PDCD6IP: variants seen among roughly 807,000 people sequenced by gnomAD.
PDCD6IP encodes the protein programmed cell death 6-interacting protein.
Under a neutral mutation model 103.7 loss-of-function variants are expected in PDCD6IP, and 43 were observed. The ratio of observed to expected loss-of-function variants is 0.41; its 90% confidence interval spans 0.32 to 0.53. The LOEUF is 0.53. PDCD6IP is among the 20% of genes least tolerant of loss of function. The pLI, the probability that PDCD6IP is intolerant of heterozygous loss-of-function variation, is 0.16. For missense variants in PDCD6IP, 871 were observed against 1,036.7 expected (o/e 0.84, Z 2.20); for synonymous variants, 354 against 378.7 (o/e 0.93, Z 0.76).
At chr3:33,839,574 T>G (rs1238337454) in intron 9 of PDCD6IP, among the ~76,000 whole-genome samples, 1 of 152,224 alleles carries the variant, frequency 6.6e-6, no homozygotes, top group Non-Finnish European at 1.5e-5. Context: ...TGAACATTCA[T>G]GTATAAATCT....
chr3:33,805,220 G>C (rs1696567125), intron 1 of PDCD6IP, among the ~76,000 whole-genome samples: 1 of 151,884 alleles, frequency 6.6e-6, no homozygotes, highest in Admixed American at 6.6e-5. Context: ...GCCGGTCATG[G>C]TGGCGGGTGC....
chr3:33,835,512 T>C (rs1017768287), intron 7 of PDCD6IP, among the ~76,000 whole-genome samples: 2 of 151,794 alleles, frequency 1.3e-5, no homozygotes, highest in African/African-American at 4.8e-5. Flanking sequence ...AGATCAGGAG[T>C]TGGAGACTGG....
intron 3 of PDCD6IP, among the ~76,000 whole-genome samples, chr3:33,816,750 C>CTACA (rs768875955): frequency 4.1e-4 from 62 of 152,128 alleles, no homozygotes; most frequent in Non-Finnish European, 7.6e-4. Flanking sequence ...TTCAGGAAAT[C>CTACA]TACAGTAAAG....
intron 2 of PDCD6IP, 68 bp downstream of exon 2, chr3:33,812,194 C>G (rs1048199049): frequency 1.3e-6 from 2 of 1,545,006 alleles, no homozygotes; most frequent in African/African-American, 1.4e-5. Flanking sequence ...AATATCTTCA[C>G]TGTCTTTAGA....
At chr3:33,831,453 A>C (rs938240542) in intron 7 of PDCD6IP, among the ~76,000 whole-genome samples, 28 of 152,278 alleles carry the variant, frequency 1.8e-4, no homozygotes, top group African/African-American at 5.5e-4. Context: ...TATAACATCT[A>C]ACTTCAGTTT....
intron 7 of PDCD6IP, 28 bp from the exon 8 acceptor site, chr3:33,836,016 T>TA: frequency 8.3e-7 from 1 of 1,199,856 alleles, no homozygotes; most frequent in Non-Finnish European, 1.2e-6. Context: ...CTCTTTTTTT[T>TA]TTTTGTTGTT....
At chr3:33,858,836 G>A (rs951843136) in intron 15 of PDCD6IP, among the ~76,000 whole-genome samples, 43 of 151,924 alleles carry the variant, frequency 2.8e-4, no homozygotes, top group Non-Finnish European at 5.7e-4. Flanking sequence ...CAAAACAAAA[G>A]AAATAAACAT....
chr3:33,850,160 C>T (rs1312678984), intron 12 of PDCD6IP, among the ~76,000 whole-genome samples: 3 of 152,060 alleles, frequency 2.0e-5, no homozygotes, highest in Admixed American at 6.5e-5. Flanking sequence ...ACTATTATGC[C>T]CATTTTGCAG....
Position 33,798,803 on chromosome 3 carries a change from C to G in PDCD6IP, c.75C>G (p.Ile25Met). 2.5e-6 allele frequency: 4 copies of G among 1,570,682 alleles called. No individual in the cohort carries two copies. The highest frequency in any genetic ancestry group is 3.5e-6 in the Non-Finnish European group (4 of 1,158,304). Residue 25 changes from isoleucine to methionine, a missense_variant, in exon 1 of 18, where the codon ATC becomes ATG. Physicochemically the swap from Ile to Met is conservative, Grantham distance 10 (BLOSUM62 1). Coordinates refer to ENST00000307296, the MANE Select transcript of PDCD6IP (RefSeq NM_013374.6). Reference sequence around the variant, plus strand: ...TGGCCAAGCCGCTGGTGAAGTTCATCCAGCAGACTTACCCAAGCGGCGGGG... The same window carrying G: ...TGGCCAAGCCGCTGGTGAAGTTCATGCAGCAGACTTACCCAAGCGGCGGGG... ...VDLAKPLVKFIQQTYPSGGEE... is the reference protein window; with the variant it reads ...VDLAKPLVKFMQQTYPSGGEE...
chr3:33,866,298 T>C, intron 17 of PDCD6IP, 53 bp from the exon 18 acceptor site: 1 of 1,096,596 alleles, frequency 9.1e-7, no homozygotes, highest in Admixed American at 2.8e-5. Flanking sequence ...ATTATTGTTT[T>C]ATTTTTTAGT....
rs374565692 is a variant in PDCD6IP, at chr3:33,824,999, G to A, written c.463-188G>A. 5.9e-5 allele frequency among the ~76,000 whole-genome samples: 9 copies of A among 152,058 alleles called. No homozygotes were observed. In the East Asian group the frequency reaches 1.7e-3, roughly 29 times the overall value. Reference sequence around the variant, plus strand: ...TAATCTTTGTTAAATCTCTTGTTACGCTATAGAGTTTTAGAAAGATAACCT... The same window carrying A: ...TAATCTTTGTTAAATCTCTTGTTACACTATAGAGTTTTAGAAAGATAACCT... On this transcript the variant is annotated intron_variant, in intron 4 of 17. Transcript: ENST00000307296.
At chr3:33,818,764 G>T in intron 3 of PDCD6IP, among the ~76,000 whole-genome samples, 1 of 151,396 alleles carries the variant, frequency 6.6e-6, no homozygotes, top group Non-Finnish European at 1.5e-5. Context: ...TGATCTGTCC[G>T]CCTCAGCCTC....
At chr3:33,848,027 T>A (rs1482640159) in intron 12 of PDCD6IP, among the ~76,000 whole-genome samples, 1 of 152,168 alleles carries the variant, frequency 6.6e-6, no homozygotes, top group East Asian at 1.9e-4. Flanking sequence ...ATAAAGAGAA[T>A]TGTTTAAAAC....
chr3:33,852,691 C>T lies in PDCD6IP; in HGVS notation c.1845C>T (p.Val615=), dbSNP rs200171621. 61 of 1,580,308 alleles carry T rather than the reference C, an allele frequency of 3.9e-5. No individual in the cohort carries two copies. Among genetic ancestry groups the T allele is most frequent in the Middle Eastern group, 1.7e-4 (1 of 5,882 alleles). Residue 615 remains valine (V), a synonymous_variant, in exon 13 of 18, where the codon GTC becomes GTT. Transcript: ENST00000307296. ...DRVYGGLTTK[V]QESLKKQEGL... is the part of the protein sequence containing the mutation. ...TCTATGGAGGTCTTACAACTAAAGT[C>T]CAAGAATCTCTAAAGAAACAGGAGG...
chr3:33,836,036 CT>C lies in PDCD6IP; in HGVS notation c.835-3del. The C allele has an allele frequency of 1.5e-6, 2 of 1,330,246 alleles. No individual in the cohort carries two copies. Among genetic ancestry groups the C allele is most frequent in the South Asian group, 1.6e-5 (1 of 63,948 alleles). 82.4% of individuals were successfully genotyped at this position (1,330,246 alleles called of 1,614,324 possible). A position where few individuals can be genotyped will look rare whatever the true frequency, so the allele number is the denominator to read the frequency against. On this transcript the variant is annotated splice_polypyrimidine_tract_variant and splice_region_variant and intron_variant, in intron 7 of 17. Transcript: ENST00000307296. ...TTTTTTTTTTGTTGTTGACGTTTTT[CT>C]TTTTAGCATGCAGCAGAACTGATTA...
Position 33,845,503 on chromosome 3 carries a change from C to G in PDCD6IP, c.1556C>G (p.Thr519Ser). 2 of 1,613,766 alleles carry G rather than the reference C, an allele frequency of 1.2e-6. No individual in the cohort carries two copies. Among genetic ancestry groups the G allele is most frequent in the Middle Eastern group, 1.6e-4 (1 of 6,062 alleles). ...VKECYQSHRDTIVLLCKPEPE... is the reference protein window; with the variant it reads ...VKECYQSHRDSIVLLCKPEPE... ...GAATGTTACCAGTCTCATCGTGACA[C>G]CATCGTGCTTTTGTGTAAGCCAGAG... Residue 519 changes from threonine (T) to serine (S), a missense_variant, in exon 12 of 18, where the codon ACC becomes AGC. Coordinates refer to ENST00000307296, the MANE Select transcript of PDCD6IP (RefSeq NM_013374.6).
intron 17 of PDCD6IP, 57 bp from the exon 18 acceptor site, chr3:33,866,294 G>T: frequency 1.9e-6 from 2 of 1,078,616 alleles, no homozygotes; most frequent in Non-Finnish European, 2.6e-6. Context: ...AATGATTATT[G>T]TTTTATTTTT....
At chr3:33,816,715 G>A (rs1696862513) in intron 3 of PDCD6IP, among the ~76,000 whole-genome samples, 1 of 152,024 alleles carries the variant, frequency 6.6e-6, no homozygotes, top group Admixed American at 6.6e-5. Flanking sequence ...TGAGGGAATG[G>A]AAACAGTAAA....
At chr3:33,807,021 G>C (rs2125543104) in intron 1 of PDCD6IP, among the ~76,000 whole-genome samples, 1 of 152,244 alleles carries the variant, frequency 6.6e-6, no homozygotes, top group East Asian at 1.9e-4. Context: ...TCCTAAGATA[G>C]CCATTTTACT....
Sources: allele counts gnomAD v4.1 joint callset (sites outside exome capture counted in the v4.1 genomes callset), GRCh38; gene constraint gnomAD v4.1.1; transcripts MANE v1.5; gene names NCBI Gene and HGNC (gene_info 2026-07-23, HGNC 2026-07-21).